PXDNL: variants seen among roughly 807,000 people sequenced by gnomAD.
The protein encoded by PXDNL is probable oxidoreductase PXDNL.
A neutral mutation model predicts 150.8 loss-of-function variants in PXDNL; 145 were observed. The observed-to-expected ratio is 0.96, with a 90% CI of 0.84 to 1.10. The LOEUF is 1.10. Ranked by LOEUF, PXDNL falls within the 50% of genes least tolerant of loss-of-function variation. The pLI, the probability that PXDNL is intolerant of heterozygous loss-of-function variation, is 0.00. For synonymous variants in PXDNL, 757 were observed against 725.7 expected, an observed-to-expected ratio of 1.04 and a Z score of -0.69; for missense variants, 2,087 against 1,873.9, an observed-to-expected ratio of 1.11 and a Z score of -2.10.
At chr8:51,478,756 G>T (rs9298447) in intron 6 of PXDNL, among the ~76,000 whole-genome samples, 30,541 of 152,094 alleles carry the variant, frequency 0.2, 4,199 homozygotes, top group African/African-American at 0.39. Context: ...AGTAGGTGTA[G>T]CCCTCTATTG....
At chr8:51,398,829 A>G (rs1361880870) in intron 17 of PXDNL, among the ~76,000 whole-genome samples, 2 of 152,234 alleles carry the variant, frequency 1.3e-5, no homozygotes, top group African/African-American at 4.8e-5. Context: ...GTGATGTTTA[A>G]TTTATCAGAA....
intron 1 of PXDNL, among the ~76,000 whole-genome samples, chr8:51,670,082 CA>C (rs1224830509): frequency 6.6e-6 from 1 of 152,090 alleles, no homozygotes; most frequent in Admixed American, 6.5e-5. Flanking sequence ...ACTAAAAATA[CA>C]AAAATATAGC....
intron 4 of PXDNL, among the ~76,000 whole-genome samples, chr8:51,503,738 C>T (rs1811231970): frequency 6.6e-6 from 1 of 152,106 alleles, no homozygotes; most frequent in African/African-American, 2.4e-5. Flanking sequence ...AAATTATTGC[C>T]ATTGTCATGT....
At chr8:51,582,069 A>G (rs552695486) in intron 3 of PXDNL, among the ~76,000 whole-genome samples, 1 of 152,178 alleles carries the variant, frequency 6.6e-6, no homozygotes, top group Non-Finnish European at 1.5e-5. Context: ...TAAGTTTCCT[A>G]TGGAGCTATG....
chr8:51,722,927 CT>C (rs1052085085), intron 1 of PXDNL, among the ~76,000 whole-genome samples: 1 of 151,846 alleles, frequency 6.6e-6, no homozygotes, highest in African/African-American at 2.4e-5. Flanking sequence ...CAGGGAACTT[CT>C]TTTTTCTATC....
intron 1 of PXDNL, among the ~76,000 whole-genome samples, chr8:51,721,101 G>C (rs1188714386): frequency 2.0e-5 from 3 of 152,198 alleles, no homozygotes; most frequent in Admixed American, 1.3e-4. Context: ...AAGACTCAGA[G>C]CTTTGGCTCC....
intron 4 of PXDNL, among the ~76,000 whole-genome samples, chr8:51,503,104 G>A (rs532328227): frequency 1.3e-3 from 190 of 151,936 alleles, no homozygotes; most frequent in Middle Eastern, 0.01. Context: ...TAATCACAGA[G>A]CCCTGTCTAT....
intron 3 of PXDNL, among the ~76,000 whole-genome samples, chr8:51,573,493 G>A (rs1409666775): frequency 6.6e-6 from 1 of 151,964 alleles, no homozygotes; most frequent in Non-Finnish European, 1.5e-5. Context: ...CATGGTATCA[G>A]TGCAGTTCAT....
intron 12 of PXDNL, among the ~76,000 whole-genome samples, chr8:51,445,577 T>C (rs1313361454): frequency 6.6e-6 from 1 of 152,168 alleles, no homozygotes. Context: ...CGACGAAGCC[T>C]CCATAGGGAA....
chr8:51,747,586 T>G (rs557467095), intron 1 of PXDNL, among the ~76,000 whole-genome samples: 1 of 152,308 alleles, frequency 6.6e-6, no homozygotes, highest in South Asian at 2.1e-4. Flanking sequence ...TTGATGCCGT[T>G]TTTTTGAGCT....
chr8:51,721,194 C>T (rs1169721626), intron 1 of PXDNL, among the ~76,000 whole-genome samples: 7 of 152,224 alleles, frequency 4.6e-5, no homozygotes, highest in Admixed American at 1.3e-4. Flanking sequence ...GAGGCTGGCA[C>T]TGAAAACGAG....
chr8:51,745,758 A>ATT (rs35918137), intron 1 of PXDNL, among the ~76,000 whole-genome samples: 4,015 of 139,154 alleles, frequency 0.029, 194 homozygotes, highest in African/African-American at 0.092. Context: ...CACCACTACC[A>ATT]TTTTTTTTTT....
chr8:51,338,888 T>C (rs1805909359), intron 21 of PXDNL, among the ~76,000 whole-genome samples: 1 of 152,172 alleles, frequency 6.6e-6, no homozygotes. Context: ...AAAACAGTAC[T>C]TCCTAAGAAG....
At chr8:51,628,860 C>A (rs1814424870) in intron 2 of PXDNL, among the ~76,000 whole-genome samples, 1 of 151,990 alleles carries the variant, frequency 6.6e-6, no homozygotes, top group South Asian at 2.1e-4. Context: ...TCACTAACAG[C>A]AAACAGCTAC....
At chr8:51,677,987 T>G (rs776736632) in intron 1 of PXDNL, among the ~76,000 whole-genome samples, 3 of 152,072 alleles carry the variant, frequency 2.0e-5, no homozygotes, top group Non-Finnish European at 4.4e-5. Flanking sequence ...CAATAAAGAG[T>G]TTGCAGGGCT....
At chr8:51,807,170 A>C (rs1409392692) in intron 1 of PXDNL, among the ~76,000 whole-genome samples, 1 of 152,212 alleles carries the variant, frequency 6.6e-6, no homozygotes, top group African/African-American at 2.4e-5. Context: ...AAGAGGTTTA[A>C]TTGGTTCATG....
chr8:51,548,136 C>A (rs1037716896), intron 4 of PXDNL, among the ~76,000 whole-genome samples: 6 of 147,188 alleles, frequency 4.1e-5, no homozygotes, highest in African/African-American at 1.5e-4. Context: ...CCCAACCTGA[C>A]AAAGACAAAG....
chr8:51,739,937 T>A (rs1256980567), intron 1 of PXDNL, among the ~76,000 whole-genome samples: 1 of 151,258 alleles, frequency 6.6e-6, no homozygotes, highest in Non-Finnish European at 1.5e-5. Context: ...GAATTCACAA[T>A]CTGAAACACA....
rs1563431852 is a variant in PXDNL, at chr8:51,483,635, T to C, written c.524+8A>G. 2 of 1,492,874 alleles carry C rather than the reference T, an allele frequency of 1.3e-6. No individual in the cohort carries two copies. The highest frequency in any genetic ancestry group is 1.8e-6 in the Non-Finnish European group (2 of 1,098,192). The allele number at this position is 1,492,874 out of a possible 1,614,324, so 92.5% of individuals were successfully genotyped here. Reference sequence around the variant, plus strand: ...GGTTTTTGTGTTAATGCACTTGCTTTCACTTACAATCTTTTTAATGAATCC... The same window carrying C: ...GGTTTTTGTGTTAATGCACTTGCTTCCACTTACAATCTTTTTAATGAATCC... On this transcript the variant is annotated splice_region_variant and intron_variant, in intron 6 of 22. Coordinates refer to ENST00000356297, the MANE Select transcript of PXDNL (RefSeq NM_144651.5).
Sources: gnomAD v4.1 joint callset for allele counts (sites outside exome capture counted in the v4.1 genomes callset) on GRCh38, gnomAD v4.1.1 for gene constraint, MANE v1.5 for transcripts, NCBI Gene and HGNC (gene_info 2026-07-23, HGNC 2026-07-21) for gene names.